The following SHE variants were observed in gnomAD, a reference collection of about 807,000 sequenced individuals.
SHE encodes SH2 domain-containing adapter protein E.
Under a neutral mutation model 49.8 loss-of-function variants are expected in SHE, and 11 were observed. That is an observed-to-expected ratio of 0.22 (90% CI 0.14 to 0.37). The LOEUF (loss-of-function observed/expected upper bound fraction) is 0.37, where lower values mean the gene tolerates loss of function less well. SHE is among the 10% of genes least tolerant of loss of function. The probability of loss-of-function intolerance (pLI) is 1.00; values close to 1 mark genes in which losing one functional copy is unlikely to be tolerated. For missense variants in SHE, 624 were observed against 655.5 expected, an observed-to-expected ratio of 0.95 and a Z score of 0.52; for synonymous variants, 310 against 278.1, an observed-to-expected ratio of 1.11 and a Z score of -1.14.
chr1:154,502,147 G>A lies in SHE; in HGVS notation c.-121C>T, dbSNP rs913082793. 208 of 795,492 alleles carry A rather than the reference G, an allele frequency of 2.6e-4. No individual in the cohort carries two copies. Among genetic ancestry groups the A allele is most frequent in the Admixed American group, 3.3e-4 (7 of 20,924 alleles). The allele number at this position is 795,492 out of a possible 1,614,324, so 49.3% of individuals were successfully genotyped here. A position where few individuals can be genotyped will look rare whatever the true frequency, so the allele number is the denominator to read the frequency against. On this transcript the variant is annotated 5_prime_UTR_variant, in exon 1 of 6. Coordinates refer to ENST00000304760, the MANE Select transcript of SHE (RefSeq NM_001010846.3). ...GTTCTCACGGCTCGGGGCGCCGAGCGGGCGGGCGCTAGCCTCTGCTCCGGA... is the reference window on the plus strand; with the variant it reads ...GTTCTCACGGCTCGGGGCGCCGAGCAGGCGGGCGCTAGCCTCTGCTCCGGA...
intron 1 of SHE, 130 bp from the exon 2 acceptor site, chr1:154,499,368 C>A: frequency 1.0e-6 from 1 of 1,004,616 alleles, no homozygotes; most frequent in Non-Finnish European, 1.4e-6. Context: ...TTCCAGATAG[C>A]TTTTGCACTT....
At chr1:154,492,803 G>A (rs1338846215) in intron 2 of SHE, among the ~76,000 whole-genome samples, 3 of 152,174 alleles carry the variant, frequency 2.0e-5, no homozygotes, top group African/African-American at 7.2e-5. Flanking sequence ...ACTCAGTTGA[G>A]ACCATCTGGC....
chr1:154,502,300 C>T lies in SHE; in HGVS notation c.-274G>A, dbSNP rs1390592546. Reference sequence around the variant, plus strand: ...GGGGGCTTCCCCCTGCTCTTTCCTCCTGCGGTGGGAGAGGCCAGGCCCACG... The same window carrying T: ...GGGGGCTTCCCCCTGCTCTTTCCTCTTGCGGTGGGAGAGGCCAGGCCCACG... On this transcript the variant is annotated 5_prime_UTR_variant, in exon 1 of 6. Coordinates refer to ENST00000304760, the MANE Select transcript of SHE (RefSeq NM_001010846.3). 5.2e-6 allele frequency: 1 copy of T among 192,794 alleles called. No individual in the cohort carries two copies. Among genetic ancestry groups the T allele is most frequent in the Non-Finnish European group, 1.0e-5 (1 of 95,390 alleles). The allele number at this position is 192,794 out of a possible 1,614,324, so 11.9% of individuals were successfully genotyped here.
At chr1:154,477,375 T>A (rs769802732), downstream of SHE, among the ~76,000 whole-genome samples, 19 of 152,242 alleles carry the variant, frequency 1.2e-4, no homozygotes, top group Non-Finnish European at 2.4e-4. Context: ...CCACCTATTT[T>A]AATTTTTTTT....
In SHE at chr1:154,489,112, G is replaced by A. The variant is rs200240280; in HGVS notation, c.963C>T (p.Pro321=). ...CCCATGGCTGCTCGTACTCTGCCGCGGGCCTCTCGTCGTTCTCGGGCAGCC... is the reference window on the plus strand; with the variant it reads ...CCCATGGCTGCTCGTACTCTGCCGCAGGCCTCTCGTCGTTCTCGGGCAGCC... ...DSRLPENDER[P]AAEYEQPWEW... Residue 321 remains proline (P), a synonymous_variant, in exon 3 of 6, where the codon CCC becomes CCT. Coordinates refer to ENST00000304760, the MANE Select transcript of SHE (RefSeq NM_001010846.3). 41 of 1,612,954 alleles carry A rather than the reference G, an allele frequency of 2.5e-5. No homozygotes were observed. The East Asian group carries it at 4.0e-4, about 16-fold the overall frequency.
intron 3 of SHE, among the ~76,000 whole-genome samples, 187 bp from the exon 4 acceptor site, chr1:154,486,870 T>G (rs932952668): frequency 5.9e-5 from 9 of 152,236 alleles, no homozygotes; most frequent in Admixed American, 2.6e-4. Context: ...CTGATCACAC[T>G]GCTAGCATCC....
In SHE at chr1:154,480,281, A is replaced by C; in HGVS notation, c.*3868T>G. 2.0e-6 allele frequency: 2 copies of C among 985,418 alleles called. No individual in the cohort carries two copies. The highest frequency in any genetic ancestry group is 1.2e-6 in the Non-Finnish European group (1 of 829,948). 61.0% of individuals were successfully genotyped at this position (985,418 alleles called of 1,614,324 possible). On this transcript the variant is annotated 3_prime_UTR_variant, in exon 6 of 6. Coordinates refer to ENST00000304760, the MANE Select transcript of SHE (RefSeq NM_001010846.3). ...GTGTCAAGGGGTGCGGGGAAGGGAA[A>C]TGAAATCGACATCACTGCACTCCCT...
chr1:154,499,408 GT>G (rs5777916), intron 1 of SHE, among the ~76,000 whole-genome samples, 170 bp from the exon 2 acceptor site: 3,187 of 151,912 alleles, frequency 0.021, 122 homozygotes, highest in African/African-American at 0.074. Flanking sequence ...ACAAACACCT[GT>G]TTTTTTTGGT....
Position 154,489,318 on chromosome 1 carries a change from C to A in SHE, c.757G>T (p.Ala253Ser), listed in dbSNP as rs1191119928. Residue 253 changes from alanine (A) to serine (S), a missense_variant, in exon 3 of 6, where the codon GCT (alanine) becomes TCT (serine). By Grantham distance (99) the Ala-to-Ser change is moderately conservative (BLOSUM62 1). Coordinates refer to ENST00000304760, the MANE Select transcript of SHE (RefSeq NM_001010846.3). ...CAGGGACTGTCAAGCAGCTGGAGAG[C>A]CTTCACCAGGGGATCTTTGGAACCC... ...RRGSKDPLVK[A>S]LQLLDSPCEP... 2 of 1,613,680 alleles carry A rather than the reference C, an allele frequency of 1.2e-6. No individual in the cohort carries two copies. Among genetic ancestry groups the A allele is most frequent in the Non-Finnish European group, 1.7e-6 (2 of 1,179,880 alleles).
chr1:154,490,166 G>C lies in SHE; in HGVS notation c.719-810C>G, dbSNP rs570374011. Among the ~76,000 whole-genome samples the C allele has an allele frequency of 3.7e-4, 56 of 152,170 alleles. 1 individual carries two copies. The highest frequency in any genetic ancestry group is 3.5e-3 in the Admixed American group (54 of 15,272). ...ACTCCTATGCAGTTTCAATAAACTG[G>C]GGGAAGCCAGACACATTCACGAATA... On this transcript the variant is annotated intron_variant, in intron 2 of 5. Coordinates refer to ENST00000304760, the MANE Select transcript of SHE (RefSeq NM_001010846.3).
chr1:154,477,477 AT>A (rs962352579), downstream of SHE, among the ~76,000 whole-genome samples: 9 of 152,074 alleles, frequency 5.9e-5, no homozygotes, highest in African/African-American at 2.2e-4. Flanking sequence ...AAGCCCTGGG[AT>A]TACAGGCATA....
At chr1:154,492,477 G>A (rs992094237) in intron 2 of SHE, among the ~76,000 whole-genome samples, 1 of 152,192 alleles carries the variant, frequency 6.6e-6, no homozygotes, top group African/African-American at 2.4e-5. Flanking sequence ...ACATCAGAAT[G>A]TAAGAGTCGG....
intron 2 of SHE, among the ~76,000 whole-genome samples, chr1:154,497,012 C>G (rs1459754799): frequency 6.6e-6 from 1 of 152,054 alleles, no homozygotes; most frequent in Non-Finnish European, 1.5e-5. Flanking sequence ...TTTCAAGGCT[C>G]TGATGTTTTT....
chr1:154,489,022 C>T (rs763468143), intron 3 of SHE, 29 bp downstream of exon 3: 4 of 1,521,764 alleles, frequency 2.6e-6, no homozygotes, highest in Non-Finnish European at 2.6e-6. Context: ...TGAAGTCACA[C>T]TGGGGCGGGC....
downstream of SHE, among the ~76,000 whole-genome samples, chr1:154,479,266 C>T (rs1017511150): frequency 2.0e-5 from 3 of 152,192 alleles, no homozygotes; most frequent in African/African-American, 7.2e-5. Flanking sequence ...CACTGTATTA[C>T]TATTTTACTT....
chr1:154,490,961 A>G (rs1418324161), intron 2 of SHE, among the ~76,000 whole-genome samples: 2 of 152,128 alleles, frequency 1.3e-5, no homozygotes, highest in Admixed American at 6.5e-5. Flanking sequence ...TAGCTATCTA[A>G]CCAGCCAACC....
chr1:154,484,014 A>G lies in SHE; in HGVS notation c.*135T>C, dbSNP rs1692094333. 14 of 1,438,420 alleles carry G rather than the reference A, an allele frequency of 9.7e-6. No individual in the cohort carries two copies. Among genetic ancestry groups the G allele is most frequent in the Non-Finnish European group, 1.2e-5 (13 of 1,094,086 alleles). 89.1% of individuals were successfully genotyped at this position (1,438,420 alleles called of 1,614,324 possible). On this transcript the variant is annotated 3_prime_UTR_variant, in exon 6 of 6. Transcript: ENST00000304760. ...CTTCGTCTCAAACAAAACAAAACAA[A>G]TCACTCTCTGACTTTTCAAGGAAGA... is the stretch of plus-strand genomic sequence containing the variant.
rs180825957 is a variant in SHE, at chr1:154,488,290, G to A, written c.1024+761C>T. Among the ~76,000 whole-genome samples the A allele has an allele frequency of 1.4e-3, 214 of 147,996 alleles. 1 individual carries two copies. Among genetic ancestry groups the A allele is most frequent in the African/African-American group, 5.1e-3 (203 of 40,010 alleles). ...ATTATTATTTTTGAGCCAGAGTCTT[G>A]CTCTGTCACCCAGGCTGGAGTGCAG... is the stretch of plus-strand genomic sequence containing the variant. On this transcript the variant is annotated intron_variant, in intron 3 of 5. Transcript: ENST00000304760.
chr1:154,484,094 G>A lies in SHE; in HGVS notation c.*55C>T, dbSNP rs1557796353. The A allele has an allele frequency of 6.3e-7, 1 of 1,578,796 alleles. No individual in the cohort carries two copies. The highest frequency in any genetic ancestry group is 8.6e-7 in the Non-Finnish European group (1 of 1,157,898). On this transcript the variant is annotated 3_prime_UTR_variant, in exon 6 of 6. Coordinates refer to ENST00000304760, the MANE Select transcript of SHE (RefSeq NM_001010846.3). ...CCTTGTCCTCTGAGATGCTGGTTGT[G>A]CGCTGATGATGCCCTTGAAGGTGCC... is the stretch of plus-strand genomic sequence containing the variant.
Sources: gnomAD v4.1 joint callset for allele counts (sites outside exome capture counted in the v4.1 genomes callset) on GRCh38, gnomAD v4.1.1 for gene constraint, MANE v1.5 for transcripts, NCBI Gene and HGNC (gene_info 2026-07-23, HGNC 2026-07-21) for gene names.